P4HA3: variants seen among roughly 807,000 people sequenced by gnomAD.
The protein encoded by P4HA3 is prolyl 4-hydroxylase subunit alpha 3, also known as prolyl 4-hydroxylase subunit alpha-3.
Under a neutral mutation model 66.7 loss-of-function variants are expected in P4HA3, and 60 were observed. The ratio of observed to expected loss-of-function variants is 0.90; its 90% CI spans 0.73 to 1.12. The LOEUF (loss-of-function observed/expected upper bound fraction) is 1.12. Ranked by LOEUF, P4HA3 falls within the 50% of genes most tolerant of loss-of-function variation. P4HA3 has a pLI of 0.00. For synonymous variants in P4HA3, 263 were observed against 274.6 expected (o/e 0.96, Z 0.42); for missense variants, 683 against 685.8 (o/e 1.00, Z 0.05).
At position 74,279,510 on chromosome 11, in the gene P4HA3, G is replaced by C. The variant is rs1298809590; in HGVS notation, c.1111-58C>G. 1.4e-5 allele frequency: 21 copies of C among 1,504,178 alleles called. No homozygotes were observed. The African/African-American group carries it at 1.7e-4, about 12-fold the overall frequency. The allele number at this position is 1,504,178 out of a possible 1,614,324, so 93.2% of individuals were successfully genotyped here. Reference sequence around the variant, plus strand: ...GGTTATGATGCAAAAGGAAAGTTTTGTCACTTCCACAGACATATTTCTCTC... The same window carrying C: ...GGTTATGATGCAAAAGGAAAGTTTTCTCACTTCCACAGACATATTTCTCTC... On this transcript the variant is annotated intron_variant, in intron 7 of 12. Coordinates refer to ENST00000331597, the MANE Select transcript of P4HA3 (RefSeq NM_182904.5).
intron 4 of P4HA3, among the ~76,000 whole-genome samples, chr11:74,290,611 T>G (rs888307836): frequency 6.6e-6 from 1 of 151,938 alleles, no homozygotes. Context: ...CATCTTGAAT[T>G]AATTTTTGTA....
At chr11:74,282,320 G>T (rs1318305294) in intron 7 of P4HA3, among the ~76,000 whole-genome samples, 1 of 152,144 alleles carries the variant, frequency 6.6e-6, no homozygotes, top group East Asian at 1.9e-4. Context: ...TGTTAATCCA[G>T]ACAATGTCCC....
intron 1 of P4HA3, among the ~76,000 whole-genome samples, chr11:74,306,541 G>GA (rs990703780): frequency 1.4e-4 from 21 of 152,040 alleles, no homozygotes; most frequent in Admixed American, 8.5e-4. Context: ...TGTGCAAAGT[G>GA]AAAAAAAATG....
chr11:74,282,922 G>C (rs2134756167), intron 7 of P4HA3, among the ~76,000 whole-genome samples: 1 of 152,336 alleles, frequency 6.6e-6, no homozygotes, highest in East Asian at 1.9e-4. Context: ...AGGCCAGAAT[G>C]ATCAGGGCTA....
chr11:74,262,577 T>C (rs1341584797), downstream of P4HA3, among the ~76,000 whole-genome samples: 1 of 152,214 alleles, frequency 6.6e-6, no homozygotes, highest in African/African-American at 2.4e-5. Flanking sequence ...ATGTCTTTTC[T>C]TTAAACCCCA....
chr11:74,277,474 G>C (rs971761525), intron 8 of P4HA3, among the ~76,000 whole-genome samples: 1 of 152,212 alleles, frequency 6.6e-6, no homozygotes, highest in Non-Finnish European at 1.5e-5. Context: ...GGAAAAGCTT[G>C]TGATTTAGAG....
intron 12 of P4HA3, 75 bp from the exon 13 acceptor site, chr11:74,267,393 A>T (rs988126119): frequency 1.3e-6 from 2 of 1,555,064 alleles, no homozygotes; most frequent in Admixed American, 1.8e-5. Context: ...ACTGGTGCGC[A>T]CTCATAGGCG....
chr11:74,267,412 T>A, intron 12 of P4HA3, 94 bp from the exon 13 acceptor site: 2 of 1,462,646 alleles, frequency 1.4e-6, no homozygotes, highest in Non-Finnish European at 1.8e-6. Flanking sequence ...CGCGTGTGAG[T>A]GCCCCCTTAA....
chr11:74,287,520 A>C (rs1294475980), intron 5 of P4HA3, among the ~76,000 whole-genome samples: 1 of 152,202 alleles, frequency 6.6e-6, no homozygotes, highest in Non-Finnish European at 1.5e-5. Flanking sequence ...TAAATAAAGA[A>C]GGGTTGGATT....
chr11:74,291,752 G>A (rs1471869359), intron 4 of P4HA3, among the ~76,000 whole-genome samples: 4 of 152,192 alleles, frequency 2.6e-5, no homozygotes, highest in Non-Finnish European at 5.9e-5. Context: ...TACATTTACT[G>A]ATTTGCATAT....
intron 4 of P4HA3, among the ~76,000 whole-genome samples, chr11:74,297,525 G>A (rs1224778283): frequency 2.6e-5 from 4 of 152,204 alleles, no homozygotes; most frequent in South Asian, 2.1e-4. Context: ...GGTGGGAAAT[G>A]GGGTTAGCTA....
At chr11:74,258,358 C>T (rs1859859573) in intron 15 of P4HA3, among the ~76,000 whole-genome samples, 1 of 152,116 alleles carries the variant, frequency 6.6e-6, no homozygotes, top group African/African-American at 2.4e-5. Flanking sequence ...ACAGTTTCTT[C>T]CTGATTAATG....
chr11:74,286,202 C>T (rs745529268), intron 6 of P4HA3, 26 bp downstream of exon 6: 9 of 1,607,116 alleles, frequency 5.6e-6, no homozygotes, highest in Admixed American at 1.7e-5. Context: ...GCCTCTCCCC[C>T]TTTCTCTTTC....
At chr11:74,304,231 G>C (rs1344056051) in intron 2 of P4HA3, 39 bp downstream of exon 2, 6 of 1,607,996 alleles carry the variant, frequency 3.7e-6, no homozygotes, top group Non-Finnish European at 4.3e-6. Context: ...TCAGGAGATA[G>C]AATCTTCTCT....
intron 10 of P4HA3, among the ~76,000 whole-genome samples, chr11:74,270,246 T>C (rs935160720): frequency 1.3e-5 from 2 of 152,232 alleles, no homozygotes; most frequent in African/African-American, 4.8e-5. Flanking sequence ...TCATGACTTG[T>C]GGCTTGAAAA....
At chr11:74,284,139 A>G (rs771858800) in intron 7 of P4HA3, among the ~76,000 whole-genome samples, 18 of 152,248 alleles carry the variant, frequency 1.2e-4, no homozygotes, top group Non-Finnish European at 2.6e-4. Context: ...TTCTGAGACA[A>G]TATCTTTAAA....
At chr11:74,292,964 AC>A (rs1416031209) in intron 4 of P4HA3, among the ~76,000 whole-genome samples, 2 of 152,132 alleles carry the variant, frequency 1.3e-5, no homozygotes, top group Admixed American at 1.3e-4. Flanking sequence ...TATTAGGTCC[AC>A]TTGGTGCACA....
chr11:74,252,538 T>C, intron 15 of P4HA3: 1 of 455,214 alleles, frequency 2.2e-6, no homozygotes, highest in African/African-American at 2.0e-5. Flanking sequence ...TCTGCAGGGG[T>C]GATCCTGGAA....
At chr11:74,274,880 A>G (rs1460533594) in intron 9 of P4HA3, among the ~76,000 whole-genome samples, 1 of 152,212 alleles carries the variant, frequency 6.6e-6, no homozygotes, top group African/African-American at 2.4e-5. Flanking sequence ...TGTAGCCATC[A>G]TAAGAGAGTG....
Sources: gnomAD v4.1 joint callset for allele counts (sites outside exome capture counted in the v4.1 genomes callset) on GRCh38, gnomAD v4.1.1 for gene constraint, MANE v1.5 for transcripts, NCBI Gene and HGNC (gene_info 2026-07-23, HGNC 2026-07-21) for gene names.